Variants in PVT1 observed in about 807,000 individuals in gnomAD.
The protein encoded by PVT1 is Pvt1 oncogene.
intron 2 of PVT1, among the ~76,000 whole-genome samples, chr8:127,847,227 T>TTGGCCACCACGCC (rs6150804): frequency 1.3e-5 from 2 of 151,508 alleles, no homozygotes; most frequent in Admixed American, 1.3e-4. Context: ...AGTCGAACTC[T>TTGGCCACCACGCC]TGGCCCCAAA....
At chr8:128,033,907 C>T (rs963682800) in intron 4 of PVT1, among the ~76,000 whole-genome samples, 4 of 152,336 alleles carry the variant, frequency 2.6e-5, no homozygotes, top group Non-Finnish European at 4.4e-5. Context: ...CCCCTCTCCA[C>T]ACTTTTGCTT....
intron 3 of PVT1, among the ~76,000 whole-genome samples, chr8:127,979,875 G>C (rs541495746): frequency 3.5e-5 from 5 of 144,698 alleles, no homozygotes; most frequent in Admixed American, 7.3e-5. Flanking sequence ...TTGTTTTTTT[G>C]TTGTGGTGGT....
chr8:127,832,653 T>G (rs34432903), intron 2 of PVT1, among the ~76,000 whole-genome samples: 8,431 of 152,176 alleles, frequency 0.055, 284 homozygotes, highest in Middle Eastern at 0.099. Flanking sequence ...GGTCAGGAGA[T>G]AGAGACCATC....
intron 4 of PVT1, among the ~76,000 whole-genome samples, chr8:128,005,567 C>G (rs1563663730): frequency 6.6e-6 from 1 of 152,136 alleles, no homozygotes; most frequent in Non-Finnish European, 1.5e-5. Flanking sequence ...GTCCTGGAGC[C>G]CTGACTTAGT....
intron 4 of PVT1, chr8:128,009,674 T>C (rs958708096): frequency 6.6e-6 from 1 of 152,250 alleles, no homozygotes; most frequent in African/African-American, 2.4e-5. Flanking sequence ...CCAGTGCTGA[T>C]CTGTCTTGAT....
chr8:127,959,283 G>A (rs776920937), intron 3 of PVT1, among the ~76,000 whole-genome samples: 4 of 152,070 alleles, frequency 2.6e-5, no homozygotes, highest in African/African-American at 9.7e-5. Context: ...ACACTCTGGG[G>A]ATATAAAAGT....
chr8:127,990,961 C>G (rs970133747), intron 4 of PVT1, among the ~76,000 whole-genome samples: 2 of 108,234 alleles, frequency 1.8e-5, no homozygotes, highest in African/African-American at 5.5e-5. Flanking sequence ...GGGAGCTGAG[C>G]TGCTGTTTAG....
At chr8:127,853,324 T>C (rs1017913934) in intron 2 of PVT1, among the ~76,000 whole-genome samples, 4 of 152,250 alleles carry the variant, frequency 2.6e-5, no homozygotes. Flanking sequence ...GAGATTCTGC[T>C]GGTGGAGGTT....
intron 3 of PVT1, among the ~76,000 whole-genome samples, chr8:127,937,269 T>G (rs1399726635): frequency 6.6e-6 from 1 of 151,588 alleles, no homozygotes; most frequent in Non-Finnish European, 1.5e-5. Context: ...CTTTTTTCTT[T>G]TCTTTTCTTT....
At chr8:127,905,612 TAAA>T (rs1268206583) in intron 3 of PVT1, among the ~76,000 whole-genome samples, 1 of 152,184 alleles carries the variant, frequency 6.6e-6, no homozygotes, top group East Asian at 1.9e-4. Context: ...GGCAGTGTAG[TAAA>T]AAATTGAGGA....
intron 4 of PVT1, among the ~76,000 whole-genome samples, chr8:128,051,008 T>C (rs369178080): frequency 9.2e-5 from 14 of 152,202 alleles, no homozygotes; most frequent in African/African-American, 3.4e-4. Flanking sequence ...TCTCAATTTC[T>C]TCAGGGCATT....
intron 4 of PVT1, among the ~76,000 whole-genome samples, chr8:128,033,533 A>T (rs1351033210): frequency 2.0e-5 from 3 of 152,210 alleles, no homozygotes; most frequent in Admixed American, 1.3e-4. Flanking sequence ...GCCACCCCAG[A>T]GGCTAGAACA....
Position 128,036,076 on chromosome 8 carries a change from C to A in PVT1, n.913-34084C>A, listed in dbSNP as rs142219903. ...CCTTGCAGTATTCTAAGTGTTAACA[C>A]CACTTCCCTAGTGATGAAGGAGACT... On this transcript the variant is annotated intron_variant and non_coding_transcript_variant, in intron 4 of 10. Transcript: ENST00000651587. Among the ~76,000 whole-genome samples, 159 of 152,320 alleles carry A rather than the reference C, an allele frequency of 1.0e-3. 1 individual carries two copies. Among genetic ancestry groups the A allele is most frequent in the African/African-American group, 3.5e-3 (146 of 41,576 alleles).
At chr8:127,979,622 A>C (rs182596200) in intron 3 of PVT1, among the ~76,000 whole-genome samples, 59 of 152,326 alleles carry the variant, frequency 3.9e-4, no homozygotes, top group Non-Finnish European at 7.2e-4. Flanking sequence ...ACAATGTCCC[A>C]ACAAAGGCCA....
intron 4 of PVT1, among the ~76,000 whole-genome samples, chr8:128,053,896 C>A (rs1164725513): frequency 2.0e-5 from 3 of 152,252 alleles, no homozygotes; most frequent in Non-Finnish European, 4.4e-5. Context: ...GTCCTTGTAT[C>A]TGACAGGGCC....
intron 5 of PVT1, among the ~76,000 whole-genome samples, chr8:128,073,797 T>C (rs1017648626): frequency 2.6e-5 from 4 of 151,710 alleles, no homozygotes; most frequent in Admixed American, 2.0e-4. Flanking sequence ...CAACAATTTT[T>C]TTTTCTTTTT....
chr8:127,895,629 G>A (rs4733803), intron 3 of PVT1, among the ~76,000 whole-genome samples: 35,639 of 151,912 alleles, frequency 0.23, 5,051 homozygotes, highest in Middle Eastern at 0.37. Context: ...TTTTAAAATG[G>A]GATTAGAAGG....
At chr8:127,826,085 C>T (rs115123471) in intron 2 of PVT1, among the ~76,000 whole-genome samples, 1 of 142,360 alleles carries the variant, frequency 7.0e-6, no homozygotes, top group Non-Finnish European at 1.5e-5. Flanking sequence ...GTTTCGAACT[C>T]CTTGGCTCAA....
At chr8:127,813,681 C>T (rs1037459351) in intron 2 of PVT1, among the ~76,000 whole-genome samples, 2 of 152,130 alleles carry the variant, frequency 1.3e-5, no homozygotes, top group Non-Finnish European at 2.9e-5. Context: ...TACAAATGGT[C>T]CCTGTGTGTT....
Sources: gnomAD v4.1 joint callset for allele counts (sites outside exome capture counted in the v4.1 genomes callset) on GRCh38, gnomAD v4.1.1 for gene constraint, MANE v1.5 for transcripts, NCBI Gene and HGNC (gene_info 2026-07-23, HGNC 2026-07-21) for gene names.